RIPOR3: variants seen among roughly 807,000 people sequenced by gnomAD.
RIPOR3 encodes family with sequence similarity 65 member C.
A neutral mutation model predicts 114.3 loss-of-function variants in RIPOR3; 95 were observed. The observed-to-expected ratio is 0.83, with a 90% confidence interval of 0.70 to 0.99. The LOEUF is 0.99. Ranked by LOEUF, RIPOR3 falls within the 50% of genes least tolerant of loss-of-function variation. The pLI is 0.00. For synonymous variants in RIPOR3, 575 were observed against 543.8 expected, an observed-to-expected ratio of 1.06 and a Z score of -0.80; for missense variants, 1,252 against 1,266.9, an observed-to-expected ratio of 0.99 and a Z score of 0.18.
chr20:50,667,039 T>C (rs2086271728), intron 1 of RIPOR3, among the ~76,000 whole-genome samples: 1 of 152,150 alleles, frequency 6.6e-6, no homozygotes, highest in Admixed American at 6.6e-5. Context: ...CAAACAAAGC[T>C]TTCCTGAATG....
In RIPOR3 at chr20:50,595,292, G is replaced by A. The variant is rs569263196; in HGVS notation, c.2050+77C>T. 8.3e-6 allele frequency: 13 copies of A among 1,564,216 alleles called. No homozygotes were observed. The African/African-American group carries it at 1.5e-4, about 18-fold the overall frequency. On this transcript the variant is annotated intron_variant, in intron 16 of 21. Coordinates refer to ENST00000327979, the MANE Select transcript of RIPOR3 (RefSeq NM_001290268.2). Reference sequence around the variant, plus strand: ...ATTAACTCTGGCTATTAGGAAGGCAGAAGAGGCTCCCCGAGCTTTGATCCC... The same window carrying A: ...ATTAACTCTGGCTATTAGGAAGGCAAAAGAGGCTCCCCGAGCTTTGATCCC...
chr20:50,640,677 G>A (rs1413124945), intron 1 of RIPOR3, among the ~76,000 whole-genome samples: 3 of 151,372 alleles, frequency 2.0e-5, no homozygotes, highest in East Asian at 1.9e-4. Flanking sequence ...TCTACAAAAC[G>A]GTCAAAAAGG....
chr20:50,596,802 TC>T (rs1427733621), intron 14 of RIPOR3, among the ~76,000 whole-genome samples: 4 of 152,190 alleles, frequency 2.6e-5, no homozygotes. Flanking sequence ...CCTCTGCTCT[TC>T]CATGTGGTGA....
intron 5 of RIPOR3, 74 bp downstream of exon 5, chr20:50,611,107 G>A: frequency 6.2e-7 from 1 of 1,608,960 alleles, no homozygotes; most frequent in South Asian, 1.1e-5. Flanking sequence ...CAGGCAGCCA[G>A]GAAGATGCAA....
intron 1 of RIPOR3, among the ~76,000 whole-genome samples, chr20:50,684,628 A>G (rs2086956935): frequency 6.6e-6 from 1 of 152,194 alleles, no homozygotes; most frequent in South Asian, 2.1e-4. Flanking sequence ...GGGAGGCAAG[A>G]GGAGAAGCAG....
At chr20:50,601,982 G>A (rs1442231522) in intron 13 of RIPOR3, 90 bp downstream of exon 13, 26 of 1,294,680 alleles carry the variant, frequency 2.0e-5, no homozygotes, top group Middle Eastern at 5.5e-4. Context: ...CCAGGATGTC[G>A]GCCCAGGCTG....
In RIPOR3 at chr20:50,587,259, C is replaced by T. The variant is rs752073838; in HGVS notation, c.2826G>A (p.Glu942=). The T allele has an allele frequency of 1.6e-5, 26 of 1,614,092 alleles. No individual in the cohort carries two copies. The highest frequency in any genetic ancestry group is 1.3e-4 in the Admixed American group (8 of 60,008). ...CSEQREVFCQ[E]ADVEITIF ...AAAATATTGTGATTTCAACATCTGC[C>T]TCCTGGCAAAAGACTTCTCTTTGTT... The change falls in exon 22 of 22, where the codon GAG becomes GAA. Residue 942 remains glutamate (E), a synonymous_variant. Coordinates refer to ENST00000327979, the MANE Select transcript of RIPOR3 (RefSeq NM_001290268.2).
chr20:50,620,576 G>A (rs1012964179), intron 2 of RIPOR3, among the ~76,000 whole-genome samples: 7 of 151,976 alleles, frequency 4.6e-5, no homozygotes, highest in Admixed American at 4.6e-4. Flanking sequence ...TCAGTGAGCC[G>A]AGATTGCATC....
intron 1 of RIPOR3, among the ~76,000 whole-genome samples, chr20:50,688,240 T>G (rs1157736327): frequency 6.6e-6 from 1 of 152,192 alleles, no homozygotes; most frequent in African/African-American, 2.4e-5. Flanking sequence ...AGCCTCAACC[T>G]CTTGGGCTCA....
intron 19 of RIPOR3, 85 bp from the exon 20 acceptor site, chr20:50,589,854 C>T: frequency 2.5e-6 from 3 of 1,184,460 alleles, no homozygotes; most frequent in South Asian, 2.6e-5. Context: ...CAGGTGCCGA[C>T]AGTAAGGCAC....
intron 18 of RIPOR3, among the ~76,000 whole-genome samples, chr20:50,592,779 C>T (rs1291547479): frequency 6.6e-6 from 1 of 152,218 alleles, no homozygotes; most frequent in South Asian, 2.1e-4. Flanking sequence ...ACAGCCCACA[C>T]TTCCAGGGAC....
intron 1 of RIPOR3, among the ~76,000 whole-genome samples, chr20:50,670,801 G>A (rs2086450917): frequency 6.6e-6 from 1 of 152,194 alleles, no homozygotes; most frequent in South Asian, 2.1e-4. Context: ...GCTTCCTCTG[G>A]AAGGACAGGT....
At chr20:50,590,665 C>A (rs1009958925) in intron 19 of RIPOR3, among the ~76,000 whole-genome samples, 7 of 152,230 alleles carry the variant, frequency 4.6e-5, no homozygotes, top group Admixed American at 4.6e-4. Context: ...AAATGTCACA[C>A]TGCCCACTGC....
chr20:50,593,495 C>T (rs983382763), intron 17 of RIPOR3, among the ~76,000 whole-genome samples: 5 of 151,972 alleles, frequency 3.3e-5, no homozygotes, highest in East Asian at 3.9e-4. Context: ...CGCTTGAACC[C>T]GGGAGGTGGA....
rs182456778 is a variant in RIPOR3 at position 50,609,457 on chromosome 20, C to T, written c.577-101G>A. On this transcript the variant is annotated intron_variant, in intron 7 of 21. Coordinates refer to ENST00000327979, the MANE Select transcript of RIPOR3 (RefSeq NM_001290268.2). ...GACAGAGGCCACAGGCAGAGAGACG[C>T]CTCCTTGGGGCCCAGAACACCTCCT... The T allele has an allele frequency of 5.4e-4, 804 of 1,501,066 alleles. 20 individuals are homozygous for T. In the East Asian group the frequency reaches 0.02, roughly 37 times the overall value. 93.0% of individuals were successfully genotyped at this position (1,501,066 alleles called of 1,614,324 possible). A position where few individuals can be genotyped will look rare whatever the true frequency, so the allele number is the denominator to read the frequency against.
At chr20:50,621,326 C>T (rs1419709509) in intron 2 of RIPOR3, among the ~76,000 whole-genome samples, 1 of 152,244 alleles carries the variant, frequency 6.6e-6, no homozygotes, top group African/African-American at 2.4e-5. Context: ...CATCCATCCC[C>T]TCCCTCTAGT....
chr20:50,629,098 A>G (rs1394549898), intron 2 of RIPOR3, among the ~76,000 whole-genome samples: 2 of 152,102 alleles, frequency 1.3e-5, no homozygotes, highest in Non-Finnish European at 2.9e-5. Flanking sequence ...GAGGACACAC[A>G]TGTGCTGAGG....
intron 1 of RIPOR3, among the ~76,000 whole-genome samples, chr20:50,654,425 T>TG (rs2085733665): frequency 8.1e-6 from 1 of 123,418 alleles, no homozygotes; most frequent in Non-Finnish European, 1.7e-5. Flanking sequence ...AGGCAGAGTT[T>TG]TTTTTTTTTT....
intron 1 of RIPOR3, among the ~76,000 whole-genome samples, chr20:50,641,824 C>G (rs894029776): frequency 8.5e-5 from 13 of 152,234 alleles, no homozygotes; most frequent in African/African-American, 3.1e-4. Context: ...GACAGAGCCG[C>G]TGGAAGTGCC....
Sources: gnomAD v4.1 joint callset for allele counts (sites outside exome capture counted in the v4.1 genomes callset) on GRCh38, gnomAD v4.1.1 for gene constraint, MANE v1.5 for transcripts, NCBI Gene and HGNC (gene_info 2026-07-23, HGNC 2026-07-21) for gene names.